The following CREB5 variants were observed in gnomAD, a reference collection of about 807,000 sequenced individuals.
CREB5 encodes cyclic AMP-responsive element-binding protein 5.
In CREB5, 19 loss-of-function variants were observed where a neutral mutation model predicts 57.1. That is an observed-to-expected ratio of 0.33 (90% CI 0.23 to 0.49). CREB5 has a LOEUF of 0.49. CREB5 is among the 20% of genes least tolerant of loss of function. CREB5 has a pLI of 0.99. For missense variants in CREB5, 579 were observed against 671.6 expected, an observed-to-expected ratio of 0.86 and a Z score of 1.52; for synonymous variants, 238 against 238.3, an observed-to-expected ratio of 1.00 and a Z score of 0.01.
chr7:28,717,673 C>T (rs1802776584), intron 5 of CREB5, among the ~76,000 whole-genome samples: 1 of 152,200 alleles, frequency 6.6e-6, no homozygotes, highest in Non-Finnish European at 1.5e-5. Context: ...GCCTCTCCCT[C>T]GTTCTCTCTC....
chr7:28,480,279 T>C (rs910940843), intron 1 of CREB5, among the ~76,000 whole-genome samples: 11 of 152,188 alleles, frequency 7.2e-5, no homozygotes, highest in Non-Finnish European at 1.3e-4. Context: ...GAGAAAACTA[T>C]ACTGCTGACC....
intron 1 of CREB5, among the ~76,000 whole-genome samples, chr7:28,349,869 C>T (rs1339828551): frequency 6.6e-6 from 1 of 152,198 alleles, no homozygotes; most frequent in Non-Finnish European, 1.5e-5. Context: ...TCAGAGATAG[C>T]TGTGAGTTTT....
intron 5 of CREB5, among the ~76,000 whole-genome samples, chr7:28,714,994 G>T (rs954062731): frequency 1.3e-5 from 2 of 152,168 alleles, no homozygotes; most frequent in African/African-American, 4.8e-5. Flanking sequence ...CAACTTTACT[G>T]CAATTTGCCA....
chr7:28,339,596 A>C (rs1785894377), intron 1 of CREB5, among the ~76,000 whole-genome samples: 1 of 152,174 alleles, frequency 6.6e-6, no homozygotes, highest in South Asian at 2.1e-4. Context: ...AAGCTAGCAC[A>C]GCACTGAGTC....
chr7:28,340,965 A>G (rs1785924316), intron 1 of CREB5, among the ~76,000 whole-genome samples: 1 of 152,186 alleles, frequency 6.6e-6, no homozygotes. Flanking sequence ...CTCTCTGCAC[A>G]GATTTTCTCT....
intron 1 of CREB5, among the ~76,000 whole-genome samples, chr7:28,466,423 T>C (rs1790575243): frequency 6.6e-6 from 1 of 152,160 alleles, no homozygotes; most frequent in Admixed American, 6.5e-5. Flanking sequence ...GGCAGATGTG[T>C]GTTTGGTTCC....
chr7:28,747,268 G>A (rs1212879909), intron 7 of CREB5, among the ~76,000 whole-genome samples: 1 of 152,174 alleles, frequency 6.6e-6, no homozygotes, highest in East Asian at 1.9e-4. Context: ...GCACCTGCTT[G>A]GTGCCTCAAT....
chr7:28,760,831 C>T (rs1805601160), intron 7 of CREB5, among the ~76,000 whole-genome samples: 2 of 152,120 alleles, frequency 1.3e-5, no homozygotes, highest in African/African-American at 4.8e-5. Context: ...GCAGCAAATA[C>T]AAATGAAATT....
chr7:28,554,050 A>C (rs1386461121), intron 4 of CREB5, among the ~76,000 whole-genome samples: 1 of 152,212 alleles, frequency 6.6e-6, no homozygotes, highest in Non-Finnish European at 1.5e-5. Flanking sequence ...TCTCTTCCCC[A>C]AAGTGAAATA....
At chr7:28,312,449 C>A (rs1785297194) in intron 1 of CREB5, among the ~76,000 whole-genome samples, 1 of 152,164 alleles carries the variant, frequency 6.6e-6, no homozygotes, top group South Asian at 2.1e-4. Context: ...AGTGACAAGA[C>A]CGGTGCAGCC....
At chr7:28,530,005 A>G (rs2128621140) in intron 4 of CREB5, among the ~76,000 whole-genome samples, 1 of 152,306 alleles carries the variant, frequency 6.6e-6, no homozygotes, top group Non-Finnish European at 1.5e-5. Context: ...TATCACTTAT[A>G]ATTTTCCTGA....
chr7:28,359,289 C>T (rs1338086424), intron 1 of CREB5, among the ~76,000 whole-genome samples: 9 of 151,212 alleles, frequency 6.0e-5, no homozygotes, highest in African/African-American at 2.2e-4. Context: ...AAGCAAATCA[C>T]AATCTCTTTG....
At chr7:28,390,141 G>A (rs79964624) in intron 1 of CREB5, among the ~76,000 whole-genome samples, 3,416 of 151,610 alleles carry the variant, frequency 0.023, 131 homozygotes, top group African/African-American at 0.077. Context: ...CATAACCATC[G>A]CTTATTTGTC....
chr7:28,661,031 G>C (rs568682513), intron 5 of CREB5, among the ~76,000 whole-genome samples: 1 of 151,332 alleles, frequency 6.6e-6, no homozygotes, highest in Non-Finnish European at 1.5e-5. Context: ...CACTTTTTCA[G>C]CTTTTATCCC....
Position 28,718,698 on chromosome 7 carries a change from G to A in CREB5, c.465-55G>A, listed in dbSNP as rs1348550910. 6.9e-6 allele frequency: 11 copies of A among 1,602,624 alleles called. No homozygotes were observed. In the East Asian group the frequency reaches 8.9e-5, roughly 13 times the overall value. On this transcript the variant is annotated intron_variant, in intron 5 of 10. Transcript: ENST00000357727. ...TGTCCCTGCTGTTCTGGACACTGGGGAGACAGGGCCAGGGCACCAGGAATC... is the reference window on the plus strand; with the variant it reads ...TGTCCCTGCTGTTCTGGACACTGGGAAGACAGGGCCAGGGCACCAGGAATC...
intron 1 of CREB5, among the ~76,000 whole-genome samples, chr7:28,354,842 G>T (rs1411545852): frequency 6.6e-6 from 1 of 152,184 alleles, no homozygotes; most frequent in Non-Finnish European, 1.5e-5. Context: ...CTCACTAGGA[G>T]GCTGTGTAAG....
At chr7:28,560,821 TGCGCGCGC>T (rs1169041503) in intron 4 of CREB5, among the ~76,000 whole-genome samples, 2 of 60,270 alleles carry the variant, frequency 3.3e-5, no homozygotes, top group African/African-American at 6.6e-5. Context: ...TGTGTGTGTG[TGCGCGCGC>T]GCGCGTGTGT....
At chr7:28,516,219 A>ATTT (rs1792947102) in intron 4 of CREB5, among the ~76,000 whole-genome samples, 1 of 151,840 alleles carries the variant, frequency 6.6e-6, no homozygotes, top group African/African-American at 2.4e-5. Flanking sequence ...ATTTTTTTTA[A>ATTT]AAAAAAAGTA....
At chr7:28,401,243 G>T (rs1035401238) in intron 1 of CREB5, among the ~76,000 whole-genome samples, 6 of 152,036 alleles carry the variant, frequency 3.9e-5, no homozygotes, top group African/African-American at 1.4e-4. Context: ...TTGATTTTCA[G>T]CCAGGTTCAA....
Sources: gnomAD v4.1 joint callset for allele counts (sites outside exome capture counted in the v4.1 genomes callset) on GRCh38, gnomAD v4.1.1 for gene constraint, MANE v1.5 for transcripts, NCBI Gene and HGNC (gene_info 2026-07-23, HGNC 2026-07-21) for gene names.